Variants in FIGN observed in about 807,000 individuals in gnomAD.
FIGN encodes fidgetin.
In FIGN, 11 loss-of-function variants were observed where a neutral mutation model predicts 51.3. The observed-to-expected ratio is 0.21, with a 90% CI of 0.13 to 0.35. FIGN has a LOEUF of 0.35. FIGN is among the 10% of genes least tolerant of loss of function. The pLI is 1.00. For missense variants in FIGN, 857 were observed against 943.6 expected (o/e 0.91, Z 1.20); for synonymous variants, 407 against 363.2 (o/e 1.12, Z -1.37).
intron 2 of FIGN, among the ~76,000 whole-genome samples, chr2:163,618,832 T>G (rs1394436348): frequency 1.3e-5 from 2 of 152,194 alleles, no homozygotes. Flanking sequence ...GGACTCCACT[T>G]TAGAGCTTCA....
intron 2 of FIGN, among the ~76,000 whole-genome samples, chr2:163,691,065 G>A (rs1684232470): frequency 6.6e-6 from 1 of 152,010 alleles, no homozygotes; most frequent in South Asian, 2.1e-4. Context: ...GAGGATCATG[G>A]GACTCAAAAA....
intron 2 of FIGN, among the ~76,000 whole-genome samples, chr2:163,704,305 T>C (rs1410936028): frequency 4.6e-5 from 7 of 152,106 alleles, no homozygotes; most frequent in Non-Finnish European, 8.8e-5. Flanking sequence ...TAAAATTAAA[T>C]GATGAAATGT....
intron 2 of FIGN, among the ~76,000 whole-genome samples, chr2:163,722,461 G>A (rs1684773021): frequency 6.6e-6 from 1 of 151,952 alleles, no homozygotes; most frequent in African/African-American, 2.4e-5. Context: ...ACTCTATATT[G>A]GTAAGAAGTC....
At chr2:163,643,218 A>G (rs888567560) in intron 2 of FIGN, among the ~76,000 whole-genome samples, 2 of 152,348 alleles carry the variant, frequency 1.3e-5, no homozygotes, top group South Asian at 2.1e-4. Context: ...GAGTCTAGAA[A>G]TAAATGCATG....
At chr2:163,664,269 C>A (rs1053641753) in intron 2 of FIGN, among the ~76,000 whole-genome samples, 5 of 152,246 alleles carry the variant, frequency 3.3e-5, no homozygotes, top group African/African-American at 4.8e-5. Context: ...TGTTGTTAAT[C>A]GTTCCTTTCT....
At chr2:163,624,760 C>A (rs1683029862) in intron 2 of FIGN, among the ~76,000 whole-genome samples, 1 of 149,850 alleles carries the variant, frequency 6.7e-6, no homozygotes, top group Non-Finnish European at 1.5e-5. Flanking sequence ...TCTAATCAGA[C>A]TCATTACTGT....
chr2:163,655,964 T>C (rs1683553779), intron 2 of FIGN, among the ~76,000 whole-genome samples: 1 of 152,164 alleles, frequency 6.6e-6, no homozygotes, highest in Non-Finnish European at 1.5e-5. Flanking sequence ...CTTCAACACC[T>C]TTTGTAACAA....
At position 163,723,781 on chromosome 2, in the gene FIGN, G is replaced by A. The variant is rs193228589; in HGVS notation, c.25+11122C>T. Among the ~76,000 whole-genome samples, 13 of 152,306 alleles carry A rather than the reference G, an allele frequency of 8.5e-5. 1 individual carries two copies. Among genetic ancestry groups the A allele is most frequent in the Admixed American group, 6.5e-4 (10 of 15,302 alleles). On this transcript the variant is annotated intron_variant, in intron 2 of 2. Coordinates refer to ENST00000333129, the MANE Select transcript of FIGN (RefSeq NM_018086.4). Reference sequence around the variant, plus strand: ...TATTGAAATCTCTTACAAGAGAAAAGCATTAGCTAACTAATACCCATCAAC... The same window carrying A: ...TATTGAAATCTCTTACAAGAGAAAAACATTAGCTAACTAATACCCATCAAC...
chr2:163,611,595 C>T lies in FIGN; in HGVS notation c.237G>A (p.Leu79=), dbSNP rs775928890. The change falls in exon 3 of 3, where the codon TTG becomes TTA. Residue 79 remains leucine, a synonymous_variant. Transcript: ENST00000333129. ...KKYAEKYSGI[L]EGPVDRPVLS... is the part of the protein sequence containing the mutation. ...GTACGGGTCGGTCCACAGGACCTTC[C>T]AAAATGCCGGAATACTTCTCTGCAT... is the stretch of plus-strand genomic sequence containing the variant. 7 of 1,614,112 alleles carry T rather than the reference C, an allele frequency of 4.3e-6. No homozygotes were observed. The South Asian group carries it at 4.4e-5, about 10-fold the overall frequency.
rs566807074 is a variant in FIGN, at chr2:163,696,505, C to T, written c.25+38398G>A. On this transcript the variant is annotated intron_variant, in intron 2 of 2. Transcript: ENST00000333129. ...CTGCAAGTATCCAGGAGTTATTTGC[C>T]TCCTCTTTCATATTCTCAGAGCACT... 3.3e-5 allele frequency among the ~76,000 whole-genome samples: 5 copies of T among 152,188 alleles called. No homozygotes were observed. In the South Asian group the frequency reaches 1.0e-3, roughly 32 times the overall value.
rs1373716103 is a variant in FIGN at position 163,607,521 on chromosome 2, G to A, written c.*2031C>T. On this transcript the variant is annotated 3_prime_UTR_variant, in exon 3 of 3. Coordinates refer to ENST00000333129, the MANE Select transcript of FIGN (RefSeq NM_018086.4). ...TTCAGAGATAAGAAATCCCTCATGAGCTTTCTCTATGTTAAGTGTTTCAGA... is the reference window on the plus strand; with the variant it reads ...TTCAGAGATAAGAAATCCCTCATGAACTTTCTCTATGTTAAGTGTTTCAGA... 6.6e-6 allele frequency: 1 copy of A among 152,220 alleles called. No individual in the cohort carries two copies. The highest frequency in any genetic ancestry group is 2.4e-5 in the African/African-American group (1 of 41,296). The allele number at this position is 152,220 out of a possible 1,614,324, so 9.4% of individuals were successfully genotyped here.
intron 2 of FIGN, among the ~76,000 whole-genome samples, chr2:163,705,386 G>A (rs777429764): frequency 7.9e-5 from 12 of 152,090 alleles, no homozygotes; most frequent in Non-Finnish European, 1.2e-4. Flanking sequence ...TTCTCATAGT[G>A]TTTTGGAGCT....
At chr2:163,731,464 A>G (rs1042426711) in intron 2 of FIGN, among the ~76,000 whole-genome samples, 1 of 152,114 alleles carries the variant, frequency 6.6e-6, no homozygotes, top group South Asian at 2.1e-4. Flanking sequence ...GCACTCTTGT[A>G]TATCTATCAG....
rs763125224 is a variant in FIGN at position 163,611,356 on chromosome 2, G to A, written c.476C>T (p.Thr159Ile). The change falls in exon 3 of 3, where the codon ACA becomes ATA. Residue 159 changes from threonine (T) to isoleucine (I), a missense_variant. Thr to Ile is a moderately conservative substitution (Grantham distance 89, BLOSUM62 -1). Transcript: ENST00000333129. Reference protein sequence around the residue: ...GSSPGVASNLTEPSYSSSTCG... With the variant: ...GSSPGVASNLIEPSYSSSTCG... The stretch of plus-strand genomic sequence containing the variant: ...GGTACTACTTGAATAACTAGGTTCT[G>A]TCAGGTTGCTGGCTACCCCAGGAGA... 6.2e-7 allele frequency: 1 copy of A among 1,614,150 alleles called. No individual in the cohort carries two copies. Among genetic ancestry groups the A allele is most frequent in the East Asian group, 2.2e-5 (1 of 44,862 alleles).
At chr2:163,623,944 C>T (rs2105306878) in intron 2 of FIGN, among the ~76,000 whole-genome samples, 1 of 152,128 alleles carries the variant, frequency 6.6e-6, no homozygotes, top group Admixed American at 6.6e-5. Flanking sequence ...GCCATAGCTT[C>T]CAGAAGCATT....
chr2:163,710,770 A>T (rs943557197), intron 2 of FIGN, among the ~76,000 whole-genome samples: 1 of 152,182 alleles, frequency 6.6e-6, no homozygotes, highest in Non-Finnish European at 1.5e-5. Flanking sequence ...AGAAACCAGC[A>T]TGAGATGAAG....
At chr2:163,708,500 A>G (rs1684536194) in intron 2 of FIGN, among the ~76,000 whole-genome samples, 1 of 152,186 alleles carries the variant, frequency 6.6e-6, no homozygotes, top group African/African-American at 2.4e-5. Flanking sequence ...GCCAAGGCGA[A>G]ATAGCAATCT....
intron 2 of FIGN, among the ~76,000 whole-genome samples, chr2:163,689,108 C>A (rs1684198665): frequency 6.6e-6 from 1 of 151,490 alleles, no homozygotes; most frequent in African/African-American, 2.4e-5. Flanking sequence ...TGCAGTGAGC[C>A]ATGATTGTAC....
chr2:163,610,750 C>T lies in FIGN; in HGVS notation c.1082G>A (p.Arg361Gln), dbSNP rs770100326. The T allele has an allele frequency of 2.4e-5, 39 of 1,614,022 alleles. No individual in the cohort carries two copies. The highest frequency in any genetic ancestry group is 1.8e-4 in the South Asian group (16 of 91,072). ...AGCACTTCTGTCAAAGCCATTCCCC[C>T]GATTTGTGTTTGAAATGCTGTTGTC... is the stretch of plus-strand genomic sequence containing the variant. ...MPDNSISNTN[R>Q]GNGFDRSAET... is the part of the protein sequence containing the mutation. Residue 361 changes from arginine to glutamine, a missense_variant, in exon 3 of 3, where the codon CGG becomes CAG. Around this residue, in one of 3 missense-constraint regions of FIGN, gnomAD observed 799 missense variants for 849.5 expected, o/e 0.94. Coordinates refer to ENST00000333129, the MANE Select transcript of FIGN (RefSeq NM_018086.4).
Sources: allele counts gnomAD v4.1 joint callset (sites outside exome capture counted in the v4.1 genomes callset), GRCh38; gene constraint gnomAD v4.1.1; regional missense constraint gnomAD v4.1.1; transcripts MANE v1.5; gene names NCBI Gene and HGNC (gene_info 2026-07-23, HGNC 2026-07-21).